Variants in CHLSN observed in about 807,000 individuals in gnomAD.
CHLSN encodes cholesin, also known as protein cholesin.
At chr7:1,079,389 A>C in the CHLSN span, among the ~76,000 whole-genome samples, 49 of 152,332 alleles carry the variant, frequency 3.2e-4, no homozygotes, top group African/African-American at 9.9e-4. Context: ...TTTTGCACAG[A>C]AACAGTGACG....
the CHLSN span, among the ~76,000 whole-genome samples, chr7:979,177 A>G: frequency 3.9e-5 from 6 of 152,318 alleles, no homozygotes; most frequent in East Asian, 7.7e-4. Context: ...TCGAAGAAGT[A>G]AAGTTAGTTT....
chr7:1,089,327 GAC>G, the CHLSN span, among the ~76,000 whole-genome samples: 7 of 152,214 alleles, frequency 4.6e-5, no homozygotes, highest in Non-Finnish European at 8.8e-5. Context: ...TAGAATAACT[GAC>G]ACAGAGGCAG....
chr7:1,054,606 C>T, the CHLSN span, among the ~76,000 whole-genome samples: 1 of 152,228 alleles, frequency 6.6e-6, no homozygotes, highest in South Asian at 2.1e-4. Flanking sequence ...CTGGCTGCCT[C>T]CCTCTGACTT....
the CHLSN span, among the ~76,000 whole-genome samples, chr7:1,052,634 C>T: frequency 6.6e-6 from 1 of 152,074 alleles, no homozygotes; most frequent in Non-Finnish European, 1.5e-5. The surrounding 1 kb of genome is among the most constrained non-coding windows in gnomAD (Gnocchi z 4.2). Flanking sequence ...TCTCTCAGTG[C>T]AAGGGTGGGG....
chr7:1,036,931 G>A, the CHLSN span, among the ~76,000 whole-genome samples: 1 of 147,628 alleles, frequency 6.8e-6, no homozygotes, highest in South Asian at 2.2e-4. Flanking sequence ...GCAGCATGTC[G>A]AAACCCTGTC....
chr7:994,029 C>A, the CHLSN span, among the ~76,000 whole-genome samples: 1 of 152,224 alleles, frequency 6.6e-6, no homozygotes, highest in Non-Finnish European at 1.5e-5. Flanking sequence ...GTGTTCGCAC[C>A]CCCAATGTCA....
At chr7:999,275 G>A in the CHLSN span, among the ~76,000 whole-genome samples, 1 of 152,242 alleles carries the variant, frequency 6.6e-6, no homozygotes. Context: ...GTTAAGAAGA[G>A]GTTTCCTCCA....
the CHLSN span, chr7:1,026,312 A>G: frequency 0.67 from 101,601 of 152,234 alleles, 35,573 homozygotes; most frequent in African/African-American, 0.89. Flanking sequence ...GAGCCCTCGC[A>G]GAGCCAGCGC....
the CHLSN span, among the ~76,000 whole-genome samples, chr7:1,019,939 C>T: frequency 1.3e-5 from 2 of 152,240 alleles, no homozygotes; most frequent in Non-Finnish European, 2.9e-5. Context: ...GTGCGTTTCC[C>T]GAGGGAGGCC....
the CHLSN span, chr7:1,000,634 T>A: frequency 8.7e-7 from 1 of 1,146,480 alleles, no homozygotes; most frequent in Non-Finnish European, 1.3e-6. Flanking sequence ...CGGGGACGCC[T>A]CATCTTAGGA....
chr7:1,061,201 G>C, the CHLSN span, among the ~76,000 whole-genome samples: 1 of 152,136 alleles, frequency 6.6e-6, no homozygotes, highest in Admixed American at 6.5e-5. Context: ...GCTCATTTCT[G>C]TGGGTCTGTT....
the CHLSN span, among the ~76,000 whole-genome samples, chr7:978,920 C>T: frequency 5.3e-5 from 8 of 152,250 alleles, no homozygotes; most frequent in Non-Finnish European, 8.8e-5. Flanking sequence ...CGATGGCACA[C>T]GTGGCTGGCA....
At chr7:1,124,126 C>T in the CHLSN span, among the ~76,000 whole-genome samples, 1 of 152,202 alleles carries the variant, frequency 6.6e-6, no homozygotes, top group Non-Finnish European at 1.5e-5. Context: ...TCTTGCTTTC[C>T]AGCTTTCTTT....
the CHLSN span, among the ~76,000 whole-genome samples, chr7:1,027,360 C>A: frequency 1.3e-5 from 2 of 152,394 alleles, no homozygotes; most frequent in Middle Eastern, 3.4e-3. Flanking sequence ...GCCCGGTTCG[C>A]GTGTCCGTGC....
chr7:1,025,917 G>A, the CHLSN span: 1 of 152,266 alleles, frequency 6.6e-6, no homozygotes, highest in Non-Finnish European at 1.5e-5. Context: ...TGGGACGGAG[G>A]GCTCCCTTCT....
chr7:1,084,633 A>G, the CHLSN span, among the ~76,000 whole-genome samples: 5 of 152,192 alleles, frequency 3.3e-5, no homozygotes, highest in Non-Finnish European at 5.9e-5. Flanking sequence ...GTTGGTGGGA[A>G]GGGAAGCCTC....
At chr7:1,031,093 T>A in the CHLSN span, among the ~76,000 whole-genome samples, 12 of 152,020 alleles carry the variant, frequency 7.9e-5, no homozygotes, top group Non-Finnish European at 1.3e-4. Context: ...CCCCAGCAGG[T>A]CGGCAGGTCC....
chr7:1,083,979 C>T, the CHLSN span, among the ~76,000 whole-genome samples: 1 of 152,244 alleles, frequency 6.6e-6, no homozygotes, highest in Non-Finnish European at 1.5e-5. Flanking sequence ...TGGGCCGCAC[C>T]ACGTCCTGAC....
the CHLSN span, among the ~76,000 whole-genome samples, chr7:1,076,396 T>TC: frequency 5.9e-5 from 9 of 152,120 alleles, no homozygotes; most frequent in Non-Finnish European, 1.3e-4. Context: ...TGCATGCTGC[T>TC]CCGCAGGAGG....
Sources: gnomAD v4.1 joint callset for allele counts (sites outside exome capture counted in the v4.1 genomes callset) on GRCh38, gnomAD v4.1.1 for gene constraint, Gnocchi (gnomAD v3.1) non-coding constraint, MANE v1.5 for transcripts, NCBI Gene and HGNC (gene_info 2026-07-23, HGNC 2026-07-21) for gene names.